Variants in ZFPM2 observed in about 807,000 individuals in gnomAD.
ZFPM2 encodes zinc finger protein ZFPM2.
ZFPM2 carries 20 observed loss-of-function variants against 98.6 expected under a neutral mutation model. The observed-to-expected ratio is 0.20, with a 90% CI of 0.14 to 0.29. The LOEUF (loss-of-function observed/expected upper bound fraction) is 0.29. Ranked by LOEUF, ZFPM2 falls within the 10% of genes least tolerant of loss-of-function variation. The pLI is 1.00. For missense variants in ZFPM2, 1,310 were observed against 1,388.6 expected, an observed-to-expected ratio of 0.94 and a Z score of 0.90; for synonymous variants, 518 against 502.7, an observed-to-expected ratio of 1.03 and a Z score of -0.41.
intron 5 of ZFPM2, among the ~76,000 whole-genome samples, chr8:105,764,630 C>T (rs1337961033): frequency 2.0e-5 from 3 of 151,470 alleles, no homozygotes; most frequent in African/African-American, 7.3e-5. Context: ...ATTCTTAGAC[C>T]TTGACTCGAT....
intron 3 of ZFPM2, among the ~76,000 whole-genome samples, chr8:105,558,345 A>T (rs1032847395): frequency 6.6e-6 from 1 of 152,178 alleles, no homozygotes; most frequent in African/African-American, 2.4e-5. Context: ...ATTTTCCTAA[A>T]CCCTGAAATA....
chr8:105,664,729 A>C (rs1817458098), intron 5 of ZFPM2, among the ~76,000 whole-genome samples: 1 of 152,170 alleles, frequency 6.6e-6, no homozygotes, highest in South Asian at 2.1e-4. Context: ...AAAATACTTT[A>C]AATTGTTTTT....
chr8:105,423,390 G>T (rs1811842680), intron 2 of ZFPM2, among the ~76,000 whole-genome samples: 1 of 152,026 alleles, frequency 6.6e-6, no homozygotes, highest in Non-Finnish European at 1.5e-5. Flanking sequence ...TTGATAAAAA[G>T]ATGCTATTTG....
At chr8:105,768,766 T>A (rs997014325) in intron 5 of ZFPM2, among the ~76,000 whole-genome samples, 1 of 151,856 alleles carries the variant, frequency 6.6e-6, no homozygotes, top group African/African-American at 2.4e-5. Flanking sequence ...ATATCCACAG[T>A]TGAAGTCATG....
chr8:105,654,693 A>G (rs1817249507), intron 5 of ZFPM2, among the ~76,000 whole-genome samples: 1 of 152,134 alleles, frequency 6.6e-6, no homozygotes, highest in South Asian at 2.1e-4. Flanking sequence ...AACCTTGGTC[A>G]TTCTATTCAA....
chr8:105,711,852 A>C (rs982853852), intron 5 of ZFPM2, among the ~76,000 whole-genome samples: 4 of 152,018 alleles, frequency 2.6e-5, no homozygotes, highest in African/African-American at 9.7e-5. Context: ...TGCTACTCAA[A>C]GTCTCTGCCA....
chr8:105,550,014 G>A (rs1328582613), intron 3 of ZFPM2, among the ~76,000 whole-genome samples: 1 of 152,094 alleles, frequency 6.6e-6, no homozygotes, highest in Non-Finnish European at 1.5e-5. Flanking sequence ...ATACAACATT[G>A]AAAGTCTGAT....
chr8:105,452,959 G>A (rs1462776247), intron 3 of ZFPM2, among the ~76,000 whole-genome samples: 1 of 152,014 alleles, frequency 6.6e-6, no homozygotes. Context: ...ATTTTGTCTG[G>A]TTTTAAAAAT....
At chr8:105,649,725 T>C (rs975098614) in intron 5 of ZFPM2, among the ~76,000 whole-genome samples, 1 of 152,172 alleles carries the variant, frequency 6.6e-6, no homozygotes, top group African/African-American at 2.4e-5. Flanking sequence ...ATCCCAGGGA[T>C]GAAGCCCACT....
chr8:105,584,538 T>C lies in ZFPM2; in HGVS notation c.420+23057T>C, dbSNP rs1815672085. On this transcript the variant is annotated intron_variant, in intron 4 of 7. Transcript: ENST00000407775. The stretch of plus-strand genomic sequence containing the variant: ...GTTAAATAAACTAAAGACAACCCAC[T>C]GCTCCCAACCCTCTATCTCCTAGTA... 2.0e-5 allele frequency among the ~76,000 whole-genome samples: 3 copies of C among 152,202 alleles called. 1 individual carries two copies. The highest frequency in any genetic ancestry group is 4.1e-4 in the South Asian group (2 of 4,832).
chr8:105,456,948 T>A (rs1314649450), intron 3 of ZFPM2, among the ~76,000 whole-genome samples: 2 of 152,188 alleles, frequency 1.3e-5, no homozygotes, highest in East Asian at 1.9e-4. Flanking sequence ...CCACTGCGCC[T>A]GGCCGTGTTA....
chr8:105,592,452 C>T (rs1452229877), intron 4 of ZFPM2, among the ~76,000 whole-genome samples: 2 of 152,012 alleles, frequency 1.3e-5, no homozygotes, highest in East Asian at 3.9e-4. Context: ...TACATTTTTC[C>T]AGTATAAAAA....
At chr8:105,762,190 C>A (rs1312118336) in intron 5 of ZFPM2, among the ~76,000 whole-genome samples, 2 of 151,916 alleles carry the variant, frequency 1.3e-5, no homozygotes, top group African/African-American at 2.4e-5. Context: ...AATCAATGAT[C>A]AATGCTTACG....
At chr8:105,737,388 A>T (rs574326484) in intron 5 of ZFPM2, 1 of 153,452 alleles carries the variant, frequency 6.5e-6, no homozygotes, top group South Asian at 2.0e-4. Context: ...GATCTCTTTA[A>T]TGGTTTCAGA....
chr8:105,343,982 A>G (rs962939513), intron 1 of ZFPM2, among the ~76,000 whole-genome samples: 3 of 152,170 alleles, frequency 2.0e-5, no homozygotes. Context: ...AGGCCTCACA[A>G]TCATGGCAGA....
intron 4 of ZFPM2, among the ~76,000 whole-genome samples, chr8:105,626,301 T>C (rs1816653150): frequency 6.6e-6 from 1 of 152,198 alleles, no homozygotes; most frequent in Admixed American, 6.5e-5. Context: ...TAAATTGTTA[T>C]GCCCCCATAG....
At chr8:105,782,658 A>ACTT (rs1813284493) in intron 5 of ZFPM2, among the ~76,000 whole-genome samples, 1 of 152,078 alleles carries the variant, frequency 6.6e-6, no homozygotes, top group Non-Finnish European at 1.5e-5. Context: ...TGGGTTTTTT[A>ACTT]CTTGTATTAT....
chr8:105,405,855 A>C (rs1487923471), intron 1 of ZFPM2, among the ~76,000 whole-genome samples: 1 of 152,162 alleles, frequency 6.6e-6, no homozygotes, highest in Admixed American at 6.5e-5. Flanking sequence ...GAATTGCCAC[A>C]CTGACTTCCA....
At chr8:105,742,505 C>T (rs542381546) in intron 5 of ZFPM2, among the ~76,000 whole-genome samples, 6 of 151,574 alleles carry the variant, frequency 4.0e-5, no homozygotes, top group Admixed American at 6.6e-5. Context: ...GTCGTGATTC[C>T]GAGCAATAAA....
Sources: gnomAD v4.1 joint callset for allele counts (sites outside exome capture counted in the v4.1 genomes callset) on GRCh38, gnomAD v4.1.1 for gene constraint, MANE v1.5 for transcripts, NCBI Gene and HGNC (gene_info 2026-07-23, HGNC 2026-07-21) for gene names.